CNOT10: variants seen among roughly 807,000 people sequenced by gnomAD.
CNOT10 encodes CCR4-NOT transcription complex subunit 10.
A neutral mutation model predicts 94.6 loss-of-function variants in CNOT10; 30 were observed. That is an observed-to-expected ratio of 0.32 (90% CI 0.24 to 0.43). CNOT10 has a LOEUF of 0.43. Ranked by LOEUF, CNOT10 falls within the 20% of genes least tolerant of loss-of-function variation. CNOT10 has a pLI of 1.00. For missense variants in CNOT10, 759 were observed against 877.2 expected (o/e 0.87, Z 1.70); for synonymous variants, 289 against 301.6 (o/e 0.96, Z 0.43).
chr3:32,698,901 T>A (rs532787448), intron 1 of CNOT10, among the ~76,000 whole-genome samples: 2 of 152,336 alleles, frequency 1.3e-5, no homozygotes, highest in African/African-American at 4.8e-5. Flanking sequence ...TCCTCCCACC[T>A]TCGCCTCGCT....
intron 4 of CNOT10, among the ~76,000 whole-genome samples, chr3:32,711,191 C>T (rs190295826): frequency 6.6e-6 from 1 of 152,226 alleles, no homozygotes; most frequent in African/African-American, 2.4e-5. Flanking sequence ...AAACAGCCAT[C>T]CCTTGGTATT....
chr3:32,724,383 T>A (rs1412471614), intron 8 of CNOT10, among the ~76,000 whole-genome samples: 1 of 147,224 alleles, frequency 6.8e-6, no homozygotes. Context: ...GTAACTGGGA[T>A]TACAGGCGCC....
intron 13 of CNOT10, among the ~76,000 whole-genome samples, chr3:32,747,877 G>A (rs1699771656): frequency 6.6e-6 from 1 of 152,132 alleles, no homozygotes; most frequent in Admixed American, 6.6e-5. Flanking sequence ...GAGTGCAGGA[G>A]GCAGGGGTTG....
At chr3:32,711,035 T>C (rs1225585654) in intron 4 of CNOT10, among the ~76,000 whole-genome samples, 1 of 152,212 alleles carries the variant, frequency 6.6e-6, no homozygotes, top group East Asian at 1.9e-4. Flanking sequence ...AGATTCTTCA[T>C]ACAACATATG....
intron 14 of CNOT10, among the ~76,000 whole-genome samples, chr3:32,760,564 G>A (rs1291745212): frequency 6.6e-6 from 1 of 151,520 alleles, no homozygotes; most frequent in Non-Finnish European, 1.5e-5. Context: ...CCTGGGGGGC[G>A]GACGTTGCGG....
intron 1 of CNOT10, chr3:32,695,966 AGAGTGTGTGTGTGTGTGTGTGTGTGT>A: frequency 1.6e-6 from 1 of 616,652 alleles, no homozygotes; most frequent in African/African-American, 2.3e-5. Context: ...CCTGTTGAAG[AGAGTGTGTGTGTGTGTGTGTGTGTGT>A]GTGTGTGTGT....
intron 8 of CNOT10, among the ~76,000 whole-genome samples, chr3:32,720,787 G>A (rs1335270109): frequency 6.6e-6 from 1 of 151,712 alleles, no homozygotes; most frequent in Non-Finnish European, 1.5e-5. Context: ...GCCTGGCCCA[G>A]ATAGCTTGTC....
In CNOT10 at chr3:32,685,229, G is replaced by T. The variant is rs1696544356; in HGVS notation, c.-232G>T. ...CCGTGAGGCGGAAGCTGTGTATGGC[G>T]GGAGGCTGTGGCGGTCCCTTGGTGG... On this transcript the variant is annotated 5_prime_UTR_variant, in exon 1 of 19. Coordinates refer to ENST00000328834, the MANE Select transcript of CNOT10 (RefSeq NM_015442.3). The T allele has an allele frequency of 2.0e-6, 1 of 504,492 alleles. No homozygotes were observed. Among genetic ancestry groups the T allele is most frequent in the South Asian group, 2.3e-5 (1 of 43,746 alleles). 31.3% of individuals were successfully genotyped at this position (504,492 alleles called of 1,614,324 possible). A position where few individuals can be genotyped will look rare whatever the true frequency, so the allele number is the denominator to read the frequency against.
intron 13 of CNOT10, among the ~76,000 whole-genome samples, chr3:32,742,670 CCGCAT>C (rs1335008621): frequency 6.6e-6 from 1 of 152,234 alleles, no homozygotes; most frequent in East Asian, 1.9e-4. Context: ...GCGTGAGCCA[CCGCAT>C]CTGTCCTTTA....
chr3:32,716,263 A>G lies in CNOT10; in HGVS notation c.612A>G (p.Lys204=), dbSNP rs770205168. The change falls in exon 6 of 19, where the codon AAA becomes AAG. Residue 204 remains lysine, a synonymous_variant. Transcript: ENST00000328834. ...NNNNKDGSNH[K]AESGALIEAA... ...ACAACAAAGATGGATCTAATCATAA[A>G]GCTGAAAGTGGAGCTCTAATAGAAG... The G allele has an allele frequency of 1.2e-6, 2 of 1,605,396 alleles. No homozygotes were observed. Among genetic ancestry groups the G allele is most frequent in the Non-Finnish European group, 1.7e-6 (2 of 1,175,544 alleles).
At chr3:32,744,296 G>A (rs544268693) in intron 13 of CNOT10, among the ~76,000 whole-genome samples, 2 of 152,194 alleles carry the variant, frequency 1.3e-5, no homozygotes, top group East Asian at 1.9e-4. Flanking sequence ...ATATAGTTTA[G>A]CTTTTATGGA....
intron 4 of CNOT10, among the ~76,000 whole-genome samples, chr3:32,712,947 G>A (rs1295264707): frequency 6.6e-6 from 1 of 152,212 alleles, no homozygotes; most frequent in Non-Finnish European, 1.5e-5. Flanking sequence ...TCCGCCTAAA[G>A]TAATATTCCT....
At chr3:32,702,186 C>T (rs1208459355) in intron 1 of CNOT10, among the ~76,000 whole-genome samples, 1 of 151,792 alleles carries the variant, frequency 6.6e-6, no homozygotes, top group African/African-American at 2.4e-5. Flanking sequence ...ACCTCTGCCT[C>T]CCAGGTTCAA....
rs774244275 is a variant in CNOT10, at chr3:32,720,106, C to G, written c.745-8C>G. The G allele has an allele frequency of 7.2e-7, 1 of 1,381,350 alleles. No individual in the cohort carries two copies. The highest frequency in any genetic ancestry group is 1.5e-5 in the South Asian group (1 of 65,922). The allele number at this position is 1,381,350 out of a possible 1,614,324, so 85.6% of individuals were successfully genotyped here. A position where few individuals can be genotyped will look rare whatever the true frequency, so the allele number is the denominator to read the frequency against. On this transcript the variant is annotated splice_region_variant and splice_polypyrimidine_tract_variant and intron_variant, in intron 7 of 18. Coordinates refer to ENST00000328834, the MANE Select transcript of CNOT10 (RefSeq NM_015442.3). The stretch of plus-strand genomic sequence containing the variant: ...AAATTATAAGTAACTTTTATATTTT[C>G]TCTACAGTCCGCACCCTCTCTCTTT...
Position 32,716,206 on chromosome 3 carries a change from T to G in CNOT10, c.574-19T>G, listed in dbSNP as rs1698111874. 1 of 1,340,848 alleles carries G rather than the reference T, an allele frequency of 7.5e-7. No homozygotes were observed. The highest frequency in any genetic ancestry group is 1.5e-5 in the African/African-American group (1 of 66,904). 83.1% of individuals were successfully genotyped at this position (1,340,848 alleles called of 1,614,324 possible). ...CAAAAATATTTAATTTTGATAAACT[T>G]TGTTTCATCACCCTACAGACTGGTA... On this transcript the variant is annotated intron_variant, in intron 5 of 18. Transcript: ENST00000328834.
chr3:32,701,941 C>T (rs1404087511), intron 1 of CNOT10, among the ~76,000 whole-genome samples: 3 of 151,598 alleles, frequency 2.0e-5, no homozygotes, highest in East Asian at 1.9e-4. Flanking sequence ...TACAGGTGCC[C>T]GCCACCACGC....
chr3:32,726,719 A>T (rs1381328655), intron 9 of CNOT10, among the ~76,000 whole-genome samples: 1 of 149,682 alleles, frequency 6.7e-6, no homozygotes, highest in East Asian at 1.9e-4. Context: ...AATAATAATA[A>T]TAATAATAAT....
intron 16 of CNOT10, 59 bp downstream of exon 16, chr3:32,764,549 T>C: frequency 6.2e-7 from 1 of 1,605,184 alleles, no homozygotes; most frequent in Non-Finnish European, 8.5e-7. Context: ...AAATTTAGAT[T>C]CTAAATCTTC....
intron 13 of CNOT10, among the ~76,000 whole-genome samples, chr3:32,743,948 A>T (rs761342093): frequency 1.3e-5 from 2 of 151,950 alleles, no homozygotes; most frequent in Non-Finnish European, 2.9e-5. Context: ...GTATATATAT[A>T]TTTTTTTCTT....
Sources: gnomAD v4.1 joint callset for allele counts (sites outside exome capture counted in the v4.1 genomes callset) on GRCh38, gnomAD v4.1.1 for gene constraint, MANE v1.5 for transcripts, NCBI Gene and HGNC (gene_info 2026-07-23, HGNC 2026-07-21) for gene names.